The following ADAM10 variants were observed in gnomAD, a reference collection of about 807,000 sequenced individuals.
ADAM10 encodes ADAM metallopeptidase domain 10.
In ADAM10, 17 loss-of-function variants were observed where a neutral mutation model predicts 90.1. The observed-to-expected ratio is 0.19, with a 90% CI of 0.13 to 0.28. ADAM10 has a LOEUF of 0.28. Ranked by LOEUF, ADAM10 falls within the 10% of genes least tolerant of loss-of-function variation. The pLI is 1.00. For synonymous variants in ADAM10, 310 were observed against 298.6 expected (o/e 1.04, Z -0.40); for missense variants, 610 against 914.3 (o/e 0.67, Z 4.29).
Position 58,652,063 on chromosome 15 carries a change from A to G in ADAM10, c.586-5859T>C, listed in dbSNP as rs867713591. Among the ~76,000 whole-genome samples the G allele has an allele frequency of 1.4e-4, 21 of 152,232 alleles. No homozygotes were observed. In the South Asian group the frequency reaches 2.3e-3, roughly 17 times the overall value. ...GTATGTCTTCTTTTAGGAAATGTCTATTCAGATCTTTTGCCCATTTTTTAA... is the reference window on the plus strand; with the variant it reads ...GTATGTCTTCTTTTAGGAAATGTCTGTTCAGATCTTTTGCCCATTTTTTAA... On this transcript the variant is annotated intron_variant, in intron 5 of 15. Coordinates refer to ENST00000260408, the MANE Select transcript of ADAM10 (RefSeq NM_001110.4).
intron 1 of ADAM10, 127 bp from the exon 2 acceptor site, chr15:58,717,854 A>G: frequency 7.5e-7 from 1 of 1,341,036 alleles, no homozygotes; most frequent in South Asian, 1.4e-5. Flanking sequence ...ACTATTATGA[A>G]TTCTGCATTA....
intron 11 of ADAM10, among the ~76,000 whole-genome samples, chr15:58,613,911 T>C (rs913976971): frequency 1.3e-5 from 2 of 151,242 alleles, no homozygotes; most frequent in Non-Finnish European, 2.9e-5. Context: ...AGCCCAGGAG[T>C]TCAAGATCAA....
chr15:58,701,022 C>CA (rs386383146), intron 2 of ADAM10, among the ~76,000 whole-genome samples: 9,527 of 70,902 alleles, frequency 0.13, 1,175 homozygotes, highest in African/African-American at 0.32. Flanking sequence ...AACAAAAAAA[C>CA]AAAAAAAAAA....
At position 58,592,709 on chromosome 15, in the gene ADAM10, G is replaced by A. The variant is rs557896505; in HGVS notation, c.*4838C>T. 3.3e-5 allele frequency: 5 copies of A among 151,510 alleles called. No individual in the cohort carries two copies. In the South Asian group the frequency reaches 8.3e-4, roughly 25 times the overall value. 9.4% of individuals were successfully genotyped at this position (151,510 alleles called of 1,614,324 possible). On this transcript the variant is annotated 3_prime_UTR_variant, in exon 16 of 16. Transcript: ENST00000260408. ...CTATTATTGTTTCTAATACATTCAT[G>A]TGGCTGCATATATGTGGATTTCTAA...
intron 4 of ADAM10, among the ~76,000 whole-genome samples, chr15:58,675,670 C>G (rs943727184): frequency 5.3e-5 from 8 of 152,176 alleles, no homozygotes; most frequent in Non-Finnish European, 8.8e-5. Flanking sequence ...TTATCACTAT[C>G]ACATCTAGAG....
chr15:58,678,399 G>A (rs188781677), intron 4 of ADAM10, among the ~76,000 whole-genome samples: 84 of 152,156 alleles, frequency 5.5e-4, no homozygotes, highest in African/African-American at 1.7e-3. Flanking sequence ...TGCCAAGTTA[G>A]GAAAGCAGGC....
intron 5 of ADAM10, among the ~76,000 whole-genome samples, chr15:58,663,087 T>C (rs1402710548): frequency 6.6e-6 from 1 of 152,222 alleles, no homozygotes; most frequent in East Asian, 1.9e-4. Flanking sequence ...TTCTAGTTGT[T>C]TGTTGTAGAA....
In ADAM10 at chr15:58,662,957, C is replaced by T. The variant is rs974122096; in HGVS notation, c.585+2140G>A. On this transcript the variant is annotated intron_variant, in intron 5 of 15. Coordinates refer to ENST00000260408, the MANE Select transcript of ADAM10 (RefSeq NM_001110.4). ...CTTCTGTGTGTCATATCTGAAATTT[C>T]GACTCCAGCCAAGAAGGCAGGGAAA... Among the ~76,000 whole-genome samples, 11 of 152,274 alleles carry T rather than the reference C, an allele frequency of 7.2e-5. No homozygotes were observed. The East Asian group carries it at 1.2e-3, about 16-fold the overall frequency.
chr15:58,605,123 G>C (rs1430523223), intron 14 of ADAM10, among the ~76,000 whole-genome samples: 1 of 152,212 alleles, frequency 6.6e-6, no homozygotes, highest in Non-Finnish European at 1.5e-5. Context: ...AGATTTAGTA[G>C]TGGTTAAAAC....
At chr15:58,731,607 G>C (rs1246016598) in intron 1 of ADAM10, among the ~76,000 whole-genome samples, 1 of 152,072 alleles carries the variant, frequency 6.6e-6, no homozygotes, top group Non-Finnish European at 1.5e-5. Context: ...CAGCCTGAGT[G>C]AGAGAGTGAG....
chr15:58,715,247 C>A (rs982823835), intron 2 of ADAM10, among the ~76,000 whole-genome samples: 2 of 151,816 alleles, frequency 1.3e-5, no homozygotes, highest in African/African-American at 2.4e-5. Flanking sequence ...CATGGTGAAA[C>A]CCCGTCTCTA....
rs1417002676 is a variant in ADAM10, at chr15:58,655,710, A to AGT, written c.585+9385_585+9386dup. On this transcript the variant is annotated intron_variant, in intron 5 of 15. Transcript: ENST00000260408. The stretch of plus-strand genomic sequence containing the variant: ...TATTATATATAGTATATATATATAT[A>AGT]GTATATATATATATATATATATATA... Among the ~76,000 whole-genome samples the AGT allele has an allele frequency of 3.2e-4, 14 of 44,210 alleles. 1 individual carries two copies. Among genetic ancestry groups the AGT allele is most frequent in the Non-Finnish European group, 4.2e-4 (9 of 21,552 alleles). 29.0% of individuals were successfully genotyped at this position (44,210 alleles called of 152,430 possible).
intron 5 of ADAM10, chr15:58,655,566 A>G (rs1423712287): frequency 6.6e-6 from 1 of 150,676 alleles, no homozygotes; most frequent in African/African-American, 2.4e-5. Context: ...TTACAATTCA[A>G]CAGAAGGTTT....
chr15:58,707,503 A>G (rs1273653759), intron 2 of ADAM10: 1 of 152,218 alleles, frequency 6.6e-6, no homozygotes, highest in Non-Finnish European at 1.5e-5. Context: ...ACAAATCTAC[A>G]AGAGTTCCTA....
rs1763517621 is a variant in ADAM10, at chr15:58,595,246, T to A, written c.*2301A>T. 6.6e-6 allele frequency: 1 copy of A among 152,110 alleles called. No homozygotes were observed. Among genetic ancestry groups the A allele is most frequent in the Non-Finnish European group, 1.5e-5 (1 of 67,984 alleles). The allele number at this position is 152,110 out of a possible 1,614,324, so 9.4% of individuals were successfully genotyped here. The stretch of plus-strand genomic sequence containing the variant: ...GTTTATTGTGTGTACGCAGAGTATC[T>A]AACTGGAAATTTTCTACATGGATTC... On this transcript the variant is annotated 3_prime_UTR_variant, in exon 16 of 16. Coordinates refer to ENST00000260408, the MANE Select transcript of ADAM10 (RefSeq NM_001110.4).
intron 2 of ADAM10, chr15:58,686,511 A>ACT (rs1401105320): frequency 8.4e-6 from 12 of 1,423,262 alleles, no homozygotes; most frequent in Non-Finnish European, 1.2e-5. Flanking sequence ...GCAGCCGCAG[A>ACT]GCTTCAACAG....
intron 2 of ADAM10, among the ~76,000 whole-genome samples, chr15:58,710,920 A>T (rs1337717081): frequency 1.3e-5 from 2 of 152,200 alleles, no homozygotes; most frequent in Admixed American, 1.3e-4. Flanking sequence ...ACAGAGATTA[A>T]GTCACAGACA....
chr15:58,735,806 T>C (rs1040209027), intron 1 of ADAM10, among the ~76,000 whole-genome samples: 9 of 152,212 alleles, frequency 5.9e-5, no homozygotes, highest in Admixed American at 1.3e-4. Flanking sequence ...GTTATGAATC[T>C]TACTACCCAG....
At chr15:58,733,497 G>A (rs1484249912) in intron 1 of ADAM10, among the ~76,000 whole-genome samples, 1 of 152,152 alleles carries the variant, frequency 6.6e-6, no homozygotes, top group Non-Finnish European at 1.5e-5. Flanking sequence ...ATTCTACCCT[G>A]ATTTGTGCAG....
Sources: allele counts gnomAD v4.1 joint callset (sites outside exome capture counted in the v4.1 genomes callset), GRCh38; gene constraint gnomAD v4.1.1; transcripts MANE v1.5; gene names NCBI Gene and HGNC (gene_info 2026-07-23, HGNC 2026-07-21).